RNF38: variants seen among roughly 807,000 people sequenced by gnomAD.
RNF38 encodes the protein ring finger protein 38.
In RNF38, 15 loss-of-function variants were observed where a neutral mutation model predicts 67.2. The ratio of observed to expected loss-of-function variants is 0.22; its 90% CI spans 0.15 to 0.34. The LOEUF is 0.34. RNF38 is among the 10% of genes least tolerant of loss of function. The pLI is 1.00. For missense variants in RNF38, 524 were observed against 639.9 expected, an observed-to-expected ratio of 0.82 and a Z score of 1.95; for synonymous variants, 220 against 218.8, an observed-to-expected ratio of 1.01 and a Z score of -0.05.
At chr9:36,350,575 C>G (rs1833621939) in intron 9 of RNF38, among the ~76,000 whole-genome samples, 1 of 152,206 alleles carries the variant, frequency 6.6e-6, no homozygotes, top group Admixed American at 6.5e-5. Flanking sequence ...AAAGCTTATA[C>G]ATTATTTAAG....
At position 36,454,339 on chromosome 9, in the gene RNF38, G is replaced by C. The variant is rs10972912; in HGVS notation, n.242-29656C>G. Reference sequence around the variant, plus strand: ...GACGTGGTTTTGCCAATGTTGGCCAGGCTGGTCTAGAACTACTGACCTCAA... The same window carrying C: ...GACGTGGTTTTGCCAATGTTGGCCACGCTGGTCTAGAACTACTGACCTCAA... On this transcript the variant is annotated intron_variant and non_coding_transcript_variant, in intron 1 of 3. Coordinates refer to the RNF38 transcript ENST00000488058. 1.2e-3 allele frequency among the ~76,000 whole-genome samples: 179 copies of C among 152,132 alleles called. 2 individuals are homozygous for C. In the East Asian group the frequency reaches 0.027, roughly 23 times the overall value.
chr9:36,439,392 T>C (rs1031789981), intron 1 of RNF38, among the ~76,000 whole-genome samples: 4 of 152,190 alleles, frequency 2.6e-5, no homozygotes, highest in Non-Finnish European at 5.9e-5. Context: ...CATTTTTTTT[T>C]CCTTACCTTC....
chr9:36,462,109 A>G (rs1839746401), intron 1 of RNF38, among the ~76,000 whole-genome samples: 1 of 152,210 alleles, frequency 6.6e-6, no homozygotes, highest in Non-Finnish European at 1.5e-5. Flanking sequence ...AATTACGTGG[A>G]TAACTCTGGT....
chr9:36,395,039 A>G (rs1319229484), intron 1 of RNF38, among the ~76,000 whole-genome samples: 4 of 152,220 alleles, frequency 2.6e-5, no homozygotes, highest in Non-Finnish European at 4.4e-5. Context: ...CTATTTCCAT[A>G]TAATCATATG....
chr9:36,451,499 T>G (rs1209842680), intron 1 of RNF38, among the ~76,000 whole-genome samples: 8 of 134,132 alleles, frequency 6.0e-5, no homozygotes, highest in Non-Finnish European at 9.5e-5. Context: ...TAGTTTTTTT[T>G]TTTTTTTTTT....
chr9:36,421,519 C>T (rs145234659), intron 2 of RNF38, among the ~76,000 whole-genome samples: 3,691 of 151,988 alleles, frequency 0.024, 157 homozygotes, highest in African/African-American at 0.083. Context: ...CAAAATTAGC[C>T]GGGCGTGGTA....
intron 1 of RNF38, among the ~76,000 whole-genome samples, chr9:36,460,542 C>A (rs971048003): frequency 1.3e-5 from 2 of 152,070 alleles, no homozygotes; most frequent in Admixed American, 6.6e-5. Flanking sequence ...TCCCAGAACA[C>A]TTAATGGACT....
At chr9:36,430,395 G>A (rs1024922525) in intron 1 of RNF38, among the ~76,000 whole-genome samples, 2 of 151,996 alleles carry the variant, frequency 1.3e-5, no homozygotes, top group African/African-American at 4.8e-5. Flanking sequence ...TAGTAGAGAC[G>A]GGTTTTGCCA....
upstream of RNF38, among the ~76,000 whole-genome samples, chr9:36,401,629 T>C (rs1401322150): frequency 6.6e-6 from 1 of 152,088 alleles, no homozygotes; most frequent in African/African-American, 2.4e-5. Context: ...CCGGCTTGGC[T>C]CCTGTCCTGA....
At chr9:36,400,924 A>G (rs1028402554), upstream of RNF38, 84 of 923,254 alleles carry the variant, frequency 9.1e-5, no homozygotes, top group South Asian at 5.7e-4. Context: ...GCCCCGCCGC[A>G]CCCCGCCTCA....
At chr9:36,433,379 C>G (rs1009154915) in intron 1 of RNF38, among the ~76,000 whole-genome samples, 5 of 151,752 alleles carry the variant, frequency 3.3e-5, no homozygotes, top group African/African-American at 9.7e-5. Context: ...CAAAATATCT[C>G]ATGTACCCCC....
At chr9:36,347,838 G>A (rs1335856883) in intron 9 of RNF38, among the ~76,000 whole-genome samples, 1 of 151,404 alleles carries the variant, frequency 6.6e-6, no homozygotes, top group Admixed American at 6.6e-5. Flanking sequence ...AGCACTTTGG[G>A]AGGCTGAGCG....
chr9:36,383,043 T>G (rs747610889), intron 2 of RNF38, among the ~76,000 whole-genome samples: 3 of 152,204 alleles, frequency 2.0e-5, no homozygotes, highest in African/African-American at 4.8e-5. Flanking sequence ...GATCCTTTTT[T>G]GTTTTGCAGA....
chr9:36,401,326 G>A (rs556020337), upstream of RNF38: 142 of 569,282 alleles, frequency 2.5e-4, no homozygotes, highest in African/African-American at 1.9e-3. Context: ...CTGCCCTGCG[G>A]ACCGCAGGGC....
At chr9:36,352,248 C>T (rs1030543599) in intron 8 of RNF38, among the ~76,000 whole-genome samples, 2 of 151,610 alleles carry the variant, frequency 1.3e-5, no homozygotes, top group African/African-American at 4.8e-5. Context: ...TGCAGTGAGC[C>T]GAGCCGAGGT....
intron 3 of RNF38, among the ~76,000 whole-genome samples, chr9:36,375,141 A>T (rs1184873308): frequency 6.6e-6 from 1 of 152,216 alleles, no homozygotes. Context: ...CCATTGCCTA[A>T]AAGTTGAACT....
At chr9:36,481,627 C>A (rs767665573) in intron 1 of RNF38, among the ~76,000 whole-genome samples, 4 of 152,058 alleles carry the variant, frequency 2.6e-5, no homozygotes, top group Non-Finnish European at 4.4e-5. Flanking sequence ...TATCCCACCA[C>A]CCTCAATCAT....
In RNF38 at chr9:36,342,388, C is replaced by T; in HGVS notation, c.1422G>A (p.Gln474=). The T allele has an allele frequency of 6.2e-7, 1 of 1,613,864 alleles. No homozygotes were observed. The highest frequency in any genetic ancestry group is 1.1e-5 in the South Asian group (1 of 91,076). The change falls in exon 11 of 12, where the codon CAG becomes CAA. Residue 474 remains glutamine, a synonymous_variant. Coordinates refer to ENST00000259605, the MANE Select transcript of RNF38 (RefSeq NM_022781.5). ...GGTTACAGGGTAAGACTCTAAGTAG[C>T]TGCCTTGACTCAAAATCACACATGC... is the stretch of plus-strand genomic sequence containing the variant. The part of the protein sequence containing the change: ...VVCMCDFESR[Q]LLRVLPCNHE...
chr9:36,397,044 T>C (rs1424289799), intron 1 of RNF38, among the ~76,000 whole-genome samples: 8 of 150,534 alleles, frequency 5.3e-5, no homozygotes, highest in African/African-American at 2.0e-4. Flanking sequence ...TATATACGTA[T>C]ATACACATGT....
Sources: gnomAD v4.1 joint callset for allele counts (sites outside exome capture counted in the v4.1 genomes callset) on GRCh38, gnomAD v4.1.1 for gene constraint, MANE v1.5 for transcripts, NCBI Gene and HGNC (gene_info 2026-07-23, HGNC 2026-07-21) for gene names.